The following AKAP13 variants were observed in gnomAD, a reference collection of about 807,000 sequenced individuals.
The protein encoded by AKAP13 is A-kinase anchoring protein 13, also known as A-kinase anchor protein 13.
In AKAP13, 80 loss-of-function variants were observed where a neutral mutation model predicts 264.5. The observed-to-expected ratio is 0.30, with a 90% CI of 0.25 to 0.36. The LOEUF (loss-of-function observed/expected upper bound fraction) is 0.36, where lower values mean the gene tolerates loss of function less well. AKAP13 is among the 10% of genes least tolerant of loss of function. The pLI, the probability that AKAP13 is intolerant of heterozygous loss-of-function variation, is 1.00. For missense variants in AKAP13, 3,712 were observed against 3,435.2 expected (o/e 1.08, Z -2.01); for synonymous variants, 1,380 against 1,250.2 (o/e 1.10, Z -2.19).
chr15:85,735,450 A>C lies in AKAP13; in HGVS notation c.7442-110A>C, dbSNP rs562546637. 1.3e-4 allele frequency: 144 copies of C among 1,135,886 alleles called. 3 individuals carry two copies. In the East Asian group the frequency reaches 2.1e-3, roughly 17 times the overall value. The allele number at this position is 1,135,886 out of a possible 1,614,324, so 70.4% of individuals were successfully genotyped here. On this transcript the variant is annotated intron_variant, in intron 31 of 36. Transcript: ENST00000394518. ...CAAGCAGCTCCCCCTTTTTGGGGGC[A>C]TCAGTAGGTTTCAGACATACTACAT...
intron 1 of AKAP13, among the ~76,000 whole-genome samples, chr15:85,397,875 T>G (rs2071196684): frequency 6.6e-6 from 1 of 152,238 alleles, no homozygotes; most frequent in Admixed American, 6.5e-5. Flanking sequence ...ATAGTGATAA[T>G]TGCCATCATT....
In AKAP13 at chr15:85,579,968, A is replaced by C; in HGVS notation, c.1900A>C (p.Asn634His). 6.2e-7 allele frequency: 1 copy of C among 1,614,224 alleles called. No homozygotes were observed. Among genetic ancestry groups the C allele is most frequent in the Non-Finnish European group, 8.5e-7 (1 of 1,180,036 alleles). The change falls in exon 7 of 37, where the codon AAC (asparagine) becomes CAC (histidine). Residue 634 changes from asparagine (N) to histidine (H), a missense_variant. By Grantham distance (68) the Asn-to-His change is moderately conservative (BLOSUM62 1). This residue lies in a region of AKAP13 where 2,759 missense variants were observed against 2,411.7 expected (regional missense o/e 1.14). Transcript: ENST00000394518. ...GLEEDVMPHQ[N>H]SETNSSHAQS... ...GGAAGAAGATGTAATGCCACACCAG[A>C]ACTCAGAAACAAATTCATCTCATGC...
intron 8 of AKAP13, among the ~76,000 whole-genome samples, chr15:85,627,332 T>C (rs338499): frequency 0.84 from 128,312 of 152,030 alleles, 54,248 homozygotes; most frequent in East Asian, 0.95. Flanking sequence ...ATCTTTGACC[T>C]GTTTTTCTCT....
intron 1 of AKAP13, among the ~76,000 whole-genome samples, chr15:85,419,935 G>GTTTTTTT (rs11452064): frequency 5.5e-4 from 43 of 77,980 alleles, no homozygotes; most frequent in Admixed American, 9.7e-4. Flanking sequence ...TCTGACTCTT[G>GTTTTTTT]TTTTTTTTTT....
intron 5 of AKAP13, among the ~76,000 whole-genome samples, chr15:85,556,257 A>C (rs956924052): frequency 6.6e-6 from 1 of 152,234 alleles, no homozygotes; most frequent in Non-Finnish European, 1.5e-5. Context: ...TATTATCGCT[A>C]TCAAATATGT....
chr15:85,613,679 T>TAAAAAAAA lies in AKAP13; in HGVS notation c.4162-25689_4162-25682dup, dbSNP rs762473477. On this transcript the variant is annotated intron_variant, in intron 8 of 36. Coordinates refer to ENST00000394518, the MANE Select transcript of AKAP13 (RefSeq NM_007200.5). ...CTGGGCAACAGAGCCAGACTCCGTC[T>TAAAAAAAA]AAAAAAAAAAAAATATATATATATA... is the stretch of plus-strand genomic sequence containing the variant. 5.6e-4 allele frequency among the ~76,000 whole-genome samples: 58 copies of TAAAAAAAA among 103,284 alleles called. 4 individuals are homozygous for TAAAAAAAA. Among genetic ancestry groups the TAAAAAAAA allele is most frequent in the Admixed American group, 1.8e-4 (2 of 10,862 alleles). 67.8% of individuals were successfully genotyped at this position (103,284 alleles called of 152,430 possible).
chr15:85,738,832 G>A (rs1017651083), intron 33 of AKAP13, among the ~76,000 whole-genome samples: 4 of 131,786 alleles, frequency 3.0e-5, no homozygotes, highest in Non-Finnish European at 4.7e-5. Context: ...GCGACAGAGC[G>A]AGACTCCGTC....
chr15:85,467,806 G>C (rs532663650), intron 1 of AKAP13, among the ~76,000 whole-genome samples: 4 of 152,188 alleles, frequency 2.6e-5, no homozygotes, highest in African/African-American at 9.6e-5. Flanking sequence ...TTGATATTTC[G>C]GCCTGCAATC....
intron 5 of AKAP13, among the ~76,000 whole-genome samples, chr15:85,562,232 A>G (rs2078406478): frequency 6.6e-6 from 1 of 152,218 alleles, no homozygotes; most frequent in African/African-American, 2.4e-5. Flanking sequence ...AATAGAAACC[A>G]GTATTTAATG....
At chr15:85,459,646 A>G (rs1205439817) in intron 1 of AKAP13, among the ~76,000 whole-genome samples, 1 of 150,876 alleles carries the variant, frequency 6.6e-6, no homozygotes, top group East Asian at 2.0e-4. Flanking sequence ...ATTGCAGGTG[A>G]CCGCCACAAC....
chr15:85,614,002 A>C (rs149040960), intron 8 of AKAP13, among the ~76,000 whole-genome samples: 36 of 152,316 alleles, frequency 2.4e-4, no homozygotes, highest in African/African-American at 7.7e-4. Context: ...CTGATACTGT[A>C]AGTCACACTG....
At chr15:85,649,097 C>CA (rs2082687303) in intron 10 of AKAP13, among the ~76,000 whole-genome samples, 1 of 152,140 alleles carries the variant, frequency 6.6e-6, no homozygotes, top group African/African-American at 2.4e-5. Context: ...CTAATATTGA[C>CA]AGGATACTTA....
chr15:85,636,468 T>G (rs2082074527), intron 8 of AKAP13, among the ~76,000 whole-genome samples: 1 of 152,236 alleles, frequency 6.6e-6, no homozygotes, highest in African/African-American at 2.4e-5. Flanking sequence ...TGGTTACTGA[T>G]CTCAGAATGA....
At chr15:85,451,870 T>C (rs568696337) in intron 1 of AKAP13, among the ~76,000 whole-genome samples, 1 of 152,360 alleles carries the variant, frequency 6.6e-6, no homozygotes, top group East Asian at 1.9e-4. Flanking sequence ...GTGTAGAATA[T>C]TGCAGGAGTT....
chr15:85,425,715 CAA>C (rs35591622), intron 1 of AKAP13, among the ~76,000 whole-genome samples: 16 of 92,668 alleles, frequency 1.7e-4, no homozygotes, highest in Admixed American at 3.6e-4. Context: ...GACTCTGTCT[CAA>C]AAAAAAAAAA....
intron 1 of AKAP13, among the ~76,000 whole-genome samples, chr15:85,471,384 A>G (rs1414911603): frequency 6.6e-6 from 1 of 151,934 alleles, no homozygotes; most frequent in African/African-American, 2.4e-5. Context: ...AGTCCCAGCT[A>G]CTCCGGAGGC....
intron 14 of AKAP13, chr15:85,677,128 T>C (rs1233194997): frequency 2.5e-5 from 25 of 985,370 alleles, no homozygotes; most frequent in Non-Finnish European, 3.0e-5. Context: ...GTCCAGTGAC[T>C]GTTCTTGAAG....
At chr15:85,453,762 C>T (rs999758863) in intron 1 of AKAP13, among the ~76,000 whole-genome samples, 4 of 151,968 alleles carry the variant, frequency 2.6e-5, no homozygotes, top group African/African-American at 7.3e-5. Context: ...CCCCTTCCTC[C>T]GGAAGCTTTG....
chr15:85,437,455 C>T (rs2073364979), intron 1 of AKAP13, among the ~76,000 whole-genome samples: 1 of 151,754 alleles, frequency 6.6e-6, no homozygotes, highest in South Asian at 2.1e-4. Context: ...AGGGAATCCT[C>T]CCTAACTCAT....
Sources: gnomAD v4.1 joint callset for allele counts (sites outside exome capture counted in the v4.1 genomes callset) on GRCh38, gnomAD v4.1.1 for gene constraint, gnomAD v4.1.1 regional missense constraint, MANE v1.5 for transcripts, NCBI Gene and HGNC (gene_info 2026-07-23, HGNC 2026-07-21) for gene names.